The following EYS variants were observed in gnomAD, a reference collection of about 807,000 sequenced individuals.
EYS encodes the protein EGF-like photoreceptor maintenance factor.
In EYS, 250 loss-of-function variants were observed where a neutral mutation model predicts 282.1. The ratio of observed to expected loss-of-function variants is 0.89; its 90% CI spans 0.80 to 0.98. The LOEUF (loss-of-function observed/expected upper bound fraction) is 0.98, where lower values mean the gene tolerates loss of function less well. Among genes scored for constraint, EYS ranks in the 50% least tolerant of loss-of-function variants. The pLI, the probability that EYS is intolerant of heterozygous loss-of-function variation, is 0.00. For synonymous variants in EYS, 1,355 were observed against 1,282.9 expected (o/e 1.06, Z -1.20); for missense variants, 4,016 against 3,709.0 (o/e 1.08, Z -2.15).
At chr6:64,849,117 T>C (rs994751938) in intron 19 of EYS, among the ~76,000 whole-genome samples, 1 of 152,022 alleles carries the variant, frequency 6.6e-6, no homozygotes, top group Non-Finnish European at 1.5e-5. Context: ...ACAATTTGAA[T>C]GCATTTTGAC....
intron 40 of EYS, among the ~76,000 whole-genome samples, chr6:63,767,040 G>A (rs1164845873): frequency 6.6e-6 from 1 of 152,008 alleles, no homozygotes; most frequent in Non-Finnish European, 1.5e-5. Context: ...TTTCTTTTGT[G>A]TTAAAAACCC....
At chr6:64,085,054 C>T (rs150349967) in intron 31 of EYS, among the ~76,000 whole-genome samples, 1 of 152,174 alleles carries the variant, frequency 6.6e-6, no homozygotes, top group African/African-American at 2.4e-5. Flanking sequence ...TTCTTTTGCA[C>T]AGGCTGCAAC....
intron 22 of EYS, among the ~76,000 whole-genome samples, chr6:64,641,867 T>C (rs1768168221): frequency 6.6e-6 from 1 of 152,208 alleles, no homozygotes; most frequent in Admixed American, 6.5e-5. Context: ...GTACTCCTTA[T>C]GTGAATCTAA....
rs114095202 is a variant in EYS, at chr6:65,200,424, A to G, written c.2023+95439T>C. On this transcript the variant is annotated intron_variant, in intron 12 of 42. Transcript: ENST00000503581. ...AATTGCTGGACTCCATGAAGTCCCT[A>G]TGAATAGGTTAAATTGAGAAAAGAT... is the stretch of plus-strand genomic sequence containing the variant. 3.1e-3 allele frequency among the ~76,000 whole-genome samples: 472 copies of G among 151,692 alleles called. 13 individuals are homozygous for G. The highest frequency in any genetic ancestry group is 0.011 in the African/African-American group (453 of 41,108).
chr6:64,178,754 AAAAAAGTCATATAAATAATAT>A (rs1171272554), intron 31 of EYS, among the ~76,000 whole-genome samples: 1 of 149,442 alleles, frequency 6.7e-6, no homozygotes, highest in Non-Finnish European at 1.5e-5. Flanking sequence ...CACCAATAAT[AAAAAAGTCATATAAATAATAT>A]ATAATCCCTT....
At chr6:64,824,457 T>A (rs573339685) in intron 19 of EYS, among the ~76,000 whole-genome samples, 3 of 152,064 alleles carry the variant, frequency 2.0e-5, no homozygotes, top group African/African-American at 7.2e-5. Context: ...CTGATACATG[T>A]TTAACATTTT....
rs140736545 is a variant in EYS, at chr6:64,335,863, T to C, written c.6079-28781A>G. Among the ~76,000 whole-genome samples, 326 of 152,234 alleles carry C rather than the reference T, an allele frequency of 2.1e-3. 1 individual carries two copies. Among genetic ancestry groups the C allele is most frequent in the Admixed American group, 4.9e-3 (75 of 15,264 alleles). On this transcript the variant is annotated intron_variant, in intron 29 of 42. Coordinates refer to ENST00000503581, the MANE Select transcript of EYS (RefSeq NM_001142800.2). ...AATGATTATCAGCCAATAATTTTTG[T>C]ATCCAGCAAAACTAAGTATCATGTA...
chr6:64,380,360 C>T (rs1305679254), intron 29 of EYS, among the ~76,000 whole-genome samples: 1 of 152,140 alleles, frequency 6.6e-6, no homozygotes, highest in African/African-American at 2.4e-5. Flanking sequence ...TCATTTATAG[C>T]TTCATCACTT....
intron 2 of EYS, among the ~76,000 whole-genome samples, chr6:65,540,924 C>A (rs1742238778): frequency 6.6e-6 from 1 of 151,900 alleles, no homozygotes; most frequent in African/African-American, 2.4e-5. Flanking sequence ...GACTCTATCT[C>A]AAAAAAATTA....
intron 35 of EYS, among the ~76,000 whole-genome samples, chr6:63,979,968 G>C (rs1034039794): frequency 1.3e-5 from 2 of 151,882 alleles, no homozygotes; most frequent in African/African-American, 4.8e-5. Flanking sequence ...TTGTCTTCTT[G>C]TAAGCAGATT....
At chr6:63,956,379 C>A (rs531584911) in intron 35 of EYS, among the ~76,000 whole-genome samples, 30 of 152,236 alleles carry the variant, frequency 2.0e-4, no homozygotes, top group Admixed American at 1.6e-3. Context: ...CCATTACCAA[C>A]CCAAATCCTG....
At chr6:64,249,787 A>G (rs1767147920) in intron 30 of EYS, among the ~76,000 whole-genome samples, 2 of 152,214 alleles carry the variant, frequency 1.3e-5, no homozygotes, top group South Asian at 4.1e-4. Context: ...CTTAACGGAT[A>G]GAGAATAAGG....
chr6:64,163,653 A>G (rs1410856021), intron 31 of EYS, among the ~76,000 whole-genome samples: 1 of 152,162 alleles, frequency 6.6e-6, no homozygotes, highest in East Asian at 1.9e-4. Context: ...TTACTTAACA[A>G]TTGTATAACA....
chr6:65,357,003 G>C (rs1483996734), intron 8 of EYS, among the ~76,000 whole-genome samples: 1 of 151,968 alleles, frequency 6.6e-6, no homozygotes, highest in African/African-American at 2.4e-5. Context: ...TGGAAGAGTG[G>C]AAGCACTTTT....
chr6:65,661,140 CT>C (rs1767988635), intron 1 of EYS, among the ~76,000 whole-genome samples: 2 of 151,848 alleles, frequency 1.3e-5, no homozygotes, highest in Admixed American at 1.3e-4. Flanking sequence ...GAAAGATGGT[CT>C]TCCTTACCAA....
chr6:64,079,525 G>A (rs1441389340), intron 32 of EYS, among the ~76,000 whole-genome samples: 5 of 151,948 alleles, frequency 3.3e-5, no homozygotes, highest in African/African-American at 4.8e-5. Flanking sequence ...AATCGTTTGG[G>A]AAATAATAAG....
chr6:63,965,894 T>A (rs1227098016), intron 35 of EYS, among the ~76,000 whole-genome samples: 5 of 152,076 alleles, frequency 3.3e-5, no homozygotes, highest in African/African-American at 9.7e-5. Flanking sequence ...ACCATCAAAT[T>A]GTCGAAAGAA....
intron 12 of EYS, among the ~76,000 whole-genome samples, chr6:65,272,228 A>G (rs1306845653): frequency 6.6e-6 from 1 of 152,130 alleles, no homozygotes; most frequent in Non-Finnish European, 1.5e-5. Flanking sequence ...CCCAATGGTG[A>G]CTATTTATTT....
At chr6:63,855,122 A>G (rs1772357649) in intron 36 of EYS, among the ~76,000 whole-genome samples, 1 of 152,230 alleles carries the variant, frequency 6.6e-6, no homozygotes, top group Admixed American at 6.5e-5. Context: ...TTACTGTGCT[A>G]CCGCACATGG....
Sources: gnomAD v4.1 joint callset for allele counts (sites outside exome capture counted in the v4.1 genomes callset) on GRCh38, gnomAD v4.1.1 for gene constraint, MANE v1.5 for transcripts, NCBI Gene and HGNC (gene_info 2026-07-23, HGNC 2026-07-21) for gene names.